CEP63: variants seen among roughly 807,000 people sequenced by gnomAD.
CEP63 encodes the protein centrosomal protein of 63 kDa.
CEP63 carries 84 observed loss-of-function variants against 89.1 expected under a neutral mutation model. The ratio of observed to expected loss-of-function variants is 0.94; its 90% CI spans 0.79 to 1.13. The LOEUF (loss-of-function observed/expected upper bound fraction) is 1.13, where lower values mean the gene tolerates loss of function less well. CEP63 is among the 50% of genes most tolerant of loss of function. The pLI is 0.00. For missense variants in CEP63, 838 were observed against 813.3 expected (o/e 1.03, Z -0.37); for synonymous variants, 267 against 272.5 (o/e 0.98, Z 0.20).
intron 3 of CEP63, among the ~76,000 whole-genome samples, chr3:134,528,991 A>G (rs998219849): frequency 5.9e-5 from 9 of 152,196 alleles, no homozygotes; most frequent in Non-Finnish European, 1.3e-4. Context: ...TAATAAAAGC[A>G]GTAGCCATTG....
chr3:134,531,876 A>G lies in CEP63; in HGVS notation c.254A>G (p.His85Arg), dbSNP rs774639050. Reference sequence around the variant, plus strand: ...ATGTTGCATCAGCAGGTAGAAGAACATGAAAAAATCAAGCAAGAGATGACC... The same window carrying G: ...ATGTTGCATCAGCAGGTAGAAGAACGTGAAAAAATCAAGCAAGAGATGACC... ...VGMLHQQVEE[H>R]EKIKQEMTME... The change falls in exon 4 of 15, where the codon CAT becomes CGT. Residue 85 changes from histidine (H) to arginine (R), a missense_variant. His to Arg is a conservative substitution (Grantham distance 29, BLOSUM62 0). Transcript: ENST00000675561. 5 of 1,613,606 alleles carry G rather than the reference A, an allele frequency of 3.1e-6. No individual in the cohort carries two copies. The highest frequency in any genetic ancestry group is 1.3e-5 in the African/African-American group (1 of 74,930).
chr3:134,546,846 G>C lies in CEP63; in HGVS notation c.930-489G>C, dbSNP rs114856502. On this transcript the variant is annotated intron_variant, in intron 8 of 14. Coordinates refer to ENST00000675561, the MANE Select transcript of CEP63 (RefSeq NM_001353108.3). ...TTTAGAAAGTTAGAAACCAAGGTCA[G>C]TTTGCATGCTTGGTGAAAATCCAAA... Among the ~76,000 whole-genome samples the C allele has an allele frequency of 2.3e-3, 355 of 152,308 alleles. 1 individual carries two copies. Among genetic ancestry groups the C allele is most frequent in the African/African-American group, 7.9e-3 (327 of 41,570 alleles).
chr3:134,737,622 T>A, the CEP63 span, among the ~76,000 whole-genome samples: 1 of 152,216 alleles, frequency 6.6e-6, no homozygotes, highest in Non-Finnish European at 1.5e-5. Context: ...TTTTCACTAT[T>A]CTGTGGGTTA....
At chr3:134,554,631 T>C (rs1405109802) in intron 12 of CEP63, among the ~76,000 whole-genome samples, 53 of 151,470 alleles carry the variant, frequency 3.5e-4, no homozygotes, top group African/African-American at 1.2e-3. Context: ...ATGGTATTTC[T>C]AGTTCTAGAT....
the CEP63 span, chr3:134,647,485 A>G: frequency 6.2e-7 from 1 of 1,610,310 alleles, no homozygotes; most frequent in Non-Finnish European, 8.5e-7. Context: ...TCCATTTCCA[A>G]CACCTTGGAA....
At chr3:134,609,192 C>CA in the CEP63 span, among the ~76,000 whole-genome samples, 1 of 152,180 alleles carries the variant, frequency 6.6e-6, no homozygotes, top group Non-Finnish European at 1.5e-5. Context: ...GGCAGGGAGA[C>CA]AGAGTGCTTG....
At chr3:134,760,887 T>G in the CEP63 span, among the ~76,000 whole-genome samples, 1 of 152,170 alleles carries the variant, frequency 6.6e-6, no homozygotes, top group Non-Finnish European at 1.5e-5. Flanking sequence ...GGCTCAGGCT[T>G]GCTTAGTACC....
chr3:134,694,186 T>G, the CEP63 span, among the ~76,000 whole-genome samples: 1 of 152,174 alleles, frequency 6.6e-6, no homozygotes, highest in Non-Finnish European at 1.5e-5. Flanking sequence ...TAAGGTGGAC[T>G]CCATGCTAAT....
At chr3:134,650,879 C>T in the CEP63 span, 4 of 1,612,842 alleles carry the variant, frequency 2.5e-6, no homozygotes, top group East Asian at 8.9e-5. Flanking sequence ...GAGAGCGTAC[C>T]CTGTGCGGCG....
At chr3:134,722,371 CCT>C in the CEP63 span, among the ~76,000 whole-genome samples, 5 of 149,870 alleles carry the variant, frequency 3.3e-5, no homozygotes, top group Non-Finnish European at 7.4e-5. Context: ...TCCTATAATC[CCT>C]TTTACTTCTG....
chr3:134,615,922 A>G, the CEP63 span, among the ~76,000 whole-genome samples: 1 of 152,230 alleles, frequency 6.6e-6, no homozygotes, highest in East Asian at 1.9e-4. Flanking sequence ...GCCAGCTGAC[A>G]TCTGATTGGT....
the CEP63 span, among the ~76,000 whole-genome samples, chr3:134,713,696 C>G: frequency 6.6e-6 from 1 of 152,046 alleles, no homozygotes; most frequent in Non-Finnish European, 1.5e-5. Flanking sequence ...ACAGTCAGAG[C>G]CAGACAAGGG....
At chr3:134,525,125 C>T (rs1422119646) in intron 3 of CEP63, among the ~76,000 whole-genome samples, 3 of 151,988 alleles carry the variant, frequency 2.0e-5, no homozygotes, top group African/African-American at 7.3e-5. Context: ...TGTATGTGTC[C>T]ACGAATTTAT....
At chr3:134,513,741 C>A (rs187945704) in intron 3 of CEP63, among the ~76,000 whole-genome samples, 2 of 152,136 alleles carry the variant, frequency 1.3e-5, no homozygotes, top group Admixed American at 1.3e-4. Flanking sequence ...TAAGGATGGA[C>A]CAGAACAGGC....
At chr3:134,659,369 C>T in the CEP63 span, among the ~76,000 whole-genome samples, 2 of 152,204 alleles carry the variant, frequency 1.3e-5, no homozygotes, top group Non-Finnish European at 2.9e-5. Context: ...TACCAGTCAC[C>T]TCCTTCTGTG....
chr3:134,650,584 A>C, the CEP63 span, among the ~76,000 whole-genome samples: 1 of 152,154 alleles, frequency 6.6e-6, no homozygotes, highest in Admixed American at 6.5e-5. Flanking sequence ...TGACGGAAGC[A>C]CCCACAGGCC....
chr3:134,680,758 A>C, the CEP63 span, among the ~76,000 whole-genome samples: 1 of 152,232 alleles, frequency 6.6e-6, no homozygotes, highest in Non-Finnish European at 1.5e-5. Context: ...TAGTGGCTCG[A>C]AAAGAAGAGA....
rs1392667479 is a variant in CEP63, at chr3:134,562,070, G to T, written c.*535G>T. The T allele has an allele frequency of 7.6e-5, 76 of 994,532 alleles. No individual in the cohort carries two copies. The highest frequency in any genetic ancestry group is 8.4e-5 in the Non-Finnish European group (70 of 835,708). 61.6% of individuals were successfully genotyped at this position (994,532 alleles called of 1,614,324 possible). On this transcript the variant is annotated 3_prime_UTR_variant, in exon 15 of 15. Coordinates refer to ENST00000675561, the MANE Select transcript of CEP63 (RefSeq NM_001353108.3). ...TCAGGCTGGTAGTGAATAAGGGGGGGGTGTGCTAAAGAACCTTATCAAGCA... is the reference window on the plus strand; with the variant it reads ...TCAGGCTGGTAGTGAATAAGGGGGGTGTGTGCTAAAGAACCTTATCAAGCA...
the CEP63 span, among the ~76,000 whole-genome samples, chr3:134,774,848 T>C: frequency 6.6e-6 from 1 of 152,208 alleles, no homozygotes; most frequent in Non-Finnish European, 1.5e-5. Flanking sequence ...GTTATCTGAC[T>C]TCCAACTGCC....
Sources: allele counts gnomAD v4.1 joint callset (sites outside exome capture counted in the v4.1 genomes callset), GRCh38; gene constraint gnomAD v4.1.1; transcripts MANE v1.5; gene names NCBI Gene and HGNC (gene_info 2026-07-23, HGNC 2026-07-21).